The following STRN variants were observed in gnomAD, a reference collection of about 807,000 sequenced individuals.
STRN encodes protein phosphatase 2 regulatory subunit B'''alpha.
STRN carries 53 observed loss-of-function variants against 96.3 expected under a neutral mutation model. The observed-to-expected ratio is 0.55, with a 90% confidence interval of 0.44 to 0.69. The LOEUF is 0.69. Ranked by LOEUF, STRN falls within the 30% of genes least tolerant of loss-of-function variation. STRN has a pLI of 0.00. For missense variants in STRN, 987 were observed against 963.9 expected, an observed-to-expected ratio of 1.02 and a Z score of -0.32; for synonymous variants, 428 against 355.9, an observed-to-expected ratio of 1.20 and a Z score of -2.28.
At position 36,902,689 on chromosome 2, in the gene STRN, G is replaced by C. The variant is rs773081562; in HGVS notation, c.554C>G (p.Ala185Gly). 3 of 1,611,182 alleles carry C rather than the reference G, an allele frequency of 1.9e-6. No individual in the cohort carries two copies. Among genetic ancestry groups the C allele is most frequent in the Non-Finnish European group, 1.7e-6 (2 of 1,178,112 alleles). ...GACATCACTTGAAAAGCCCAACAAA[G>C]CTCGCACTCGTTTAGATTTCACATC... The part of the protein sequence containing the change: ...ILDVKSKRVR[A>G]LLGFSSDVTD... Residue 185 changes from alanine to glycine, a missense_variant, in exon 5 of 18, where the codon GCT becomes GGT. By Grantham distance (60) the Ala-to-Gly change is moderately conservative. Coordinates refer to ENST00000263918, the MANE Select transcript of STRN (RefSeq NM_003162.4).
intron 1 of STRN, among the ~76,000 whole-genome samples, chr2:36,947,992 T>C (rs1481410097): frequency 6.6e-6 from 1 of 151,508 alleles, no homozygotes; most frequent in African/African-American, 2.4e-5. Context: ...AAATTAATTA[T>C]TAAATCAAAA....
intron 1 of STRN, among the ~76,000 whole-genome samples, chr2:36,963,938 A>T (rs1665090729): frequency 6.6e-6 from 1 of 151,974 alleles, no homozygotes; most frequent in African/African-American, 2.4e-5. Context: ...GCAGTGAGCT[A>T]AGACTGCACC....
chr2:36,943,399 T>A (rs1384957643), intron 1 of STRN, among the ~76,000 whole-genome samples: 1 of 151,254 alleles, frequency 6.6e-6, no homozygotes. Context: ...TATATATATA[T>A]ATAAATATAT....
chr2:36,914,965 G>T (rs374973131), intron 3 of STRN, among the ~76,000 whole-genome samples: 11 of 151,696 alleles, frequency 7.3e-5, no homozygotes, highest in Admixed American at 3.3e-4. Flanking sequence ...GGGAGGCCGA[G>T]GGGGGGCGGA....
chr2:36,930,691 A>G (rs1350108583), intron 1 of STRN, among the ~76,000 whole-genome samples: 3 of 152,132 alleles, frequency 2.0e-5, no homozygotes, highest in Non-Finnish European at 4.4e-5. Flanking sequence ...AAAACAAAGC[A>G]AAACAAAACA....
intron 15 of STRN, among the ~76,000 whole-genome samples, chr2:36,854,498 C>G (rs901790290): frequency 1.3e-5 from 2 of 152,190 alleles, no homozygotes; most frequent in African/African-American, 2.4e-5. Flanking sequence ...GAGAGAGAGA[C>G]AGAGAGTGAG....
chr2:36,902,685 C>A lies in STRN; in HGVS notation c.558G>T (p.Leu186Phe), dbSNP rs1043050578. Residue 186 changes from leucine (L) to phenylalanine (F), a missense_variant, in exon 5 of 18, where the codon TTG becomes TTT. Coordinates refer to ENST00000263918, the MANE Select transcript of STRN (RefSeq NM_003162.4). ...LDVKSKRVRA[L>F]LGFSSDVTDR... is the part of the protein sequence containing the mutation. The stretch of plus-strand genomic sequence containing the variant: ...CCGTGACATCACTTGAAAAGCCCAA[C>A]AAAGCTCGCACTCGTTTAGATTTCA... The A allele has an allele frequency of 6.2e-7, 1 of 1,611,792 alleles. No homozygotes were observed. Among genetic ancestry groups the A allele is most frequent in the Admixed American group, 1.7e-5 (1 of 59,956 alleles).
chr2:36,885,438 C>T (rs1195226753), intron 8 of STRN, among the ~76,000 whole-genome samples: 1 of 152,146 alleles, frequency 6.6e-6, no homozygotes, highest in Non-Finnish European at 1.5e-5. Context: ...GACAAATCAT[C>T]TCCCTATGCT....
At chr2:36,857,485 G>C (rs1250913924) in intron 14 of STRN, among the ~76,000 whole-genome samples, 2 of 151,854 alleles carry the variant, frequency 1.3e-5, no homozygotes, top group Admixed American at 6.6e-5. Flanking sequence ...GACCAGCCTG[G>C]CCAACACAGC....
At chr2:36,877,488 G>C (rs138614164) in intron 10 of STRN, among the ~76,000 whole-genome samples, 1 of 152,192 alleles carries the variant, frequency 6.6e-6, no homozygotes, top group African/African-American at 2.4e-5. Context: ...TTCTACACTT[G>C]TAAAGAAGTT....
intron 1 of STRN, among the ~76,000 whole-genome samples, chr2:36,965,439 G>T (rs897911371): frequency 4.6e-5 from 7 of 152,114 alleles, no homozygotes; most frequent in Admixed American, 1.3e-4. Context: ...ATTATGCAAG[G>T]CAATGTAACT....
chr2:36,889,372 T>G (rs1487424509), intron 7 of STRN, among the ~76,000 whole-genome samples: 2 of 152,120 alleles, frequency 1.3e-5, no homozygotes, highest in East Asian at 1.9e-4. Context: ...AGGAGAAACA[T>G]TCTTTATTTT....
In STRN at chr2:36,902,756, G is replaced by A; in HGVS notation, c.492-5C>T. The A allele has an allele frequency of 6.3e-7, 1 of 1,592,376 alleles. No homozygotes were observed. The highest frequency in any genetic ancestry group is 8.6e-7 in the Non-Finnish European group (1 of 1,168,172). On this transcript the variant is annotated splice_polypyrimidine_tract_variant and splice_region_variant and intron_variant, in intron 4 of 17. Transcript: ENST00000263918. ...TAACCCACCTCCTGTAGATACCTGT[G>A]TGAAGAGAATCCTTAGAGTTCAGTC...
chr2:36,866,540 G>C (rs1211488563), intron 12 of STRN, among the ~76,000 whole-genome samples: 1 of 152,150 alleles, frequency 6.6e-6, no homozygotes, highest in East Asian at 1.9e-4. Flanking sequence ...GAGTTCTGTA[G>C]ATACATGTTA....
intron 3 of STRN, among the ~76,000 whole-genome samples, chr2:36,914,459 A>C (rs1670039265): frequency 6.6e-6 from 1 of 152,192 alleles, no homozygotes; most frequent in African/African-American, 2.4e-5. Context: ...ATTTTTTAAA[A>C]ATTTATTTTG....
chr2:36,860,700 T>C (rs1668457375), intron 13 of STRN, among the ~76,000 whole-genome samples: 1 of 152,214 alleles, frequency 6.6e-6, no homozygotes, highest in Non-Finnish European at 1.5e-5. Context: ...TTTGGTGTCA[T>C]GGGCTTTAAA....
Position 36,839,054 on chromosome 2 carries a change from C to T in STRN, c.*10402G>A, listed in dbSNP as rs1236694879. 6.6e-6 allele frequency among the ~76,000 whole-genome samples: 1 copy of T among 152,126 alleles called. No homozygotes were observed. The highest frequency in any genetic ancestry group is 6.5e-5 in the Admixed American group (1 of 15,276). ...TAGAATAAAACCCCATATGTAATAA[C>T]TGGGTATACACATTTGTATGAATAA... On this transcript the variant is annotated 3_prime_UTR_variant, in exon 18 of 18. Transcript: ENST00000263918.
At position 36,855,470 on chromosome 2, in the gene STRN, T is replaced by A; in HGVS notation, c.1838-118A>T. The stretch of plus-strand genomic sequence containing the variant: ...CTTAAGAAGTAAACAAGGCTTACCA[T>A]TAGAATAAGAATTAGCTCATAACTA... On this transcript the variant is annotated intron_variant, in intron 14 of 17. Transcript: ENST00000263918. 3.9e-6 allele frequency: 4 copies of A among 1,016,442 alleles called. No homozygotes were observed. In the South Asian group the frequency reaches 5.1e-5, roughly 13 times the overall value. The allele number at this position is 1,016,442 out of a possible 1,614,324, so 63.0% of individuals were successfully genotyped here. A position where few individuals can be genotyped will look rare whatever the true frequency, so the allele number is the denominator to read the frequency against.
At chr2:36,869,158 A>C (rs2148149169) in intron 11 of STRN, among the ~76,000 whole-genome samples, 1 of 152,278 alleles carries the variant, frequency 6.6e-6, no homozygotes, top group South Asian at 2.1e-4. Flanking sequence ...TCCATCTCAT[A>C]AGTCTAAATC....
Sources: allele counts gnomAD v4.1 joint callset (sites outside exome capture counted in the v4.1 genomes callset), GRCh38; gene constraint gnomAD v4.1.1; transcripts MANE v1.5; gene names NCBI Gene and HGNC (gene_info 2026-07-23, HGNC 2026-07-21).